USP13: variants seen among roughly 807,000 people sequenced by gnomAD.
The protein encoded by USP13 is ubiquitin specific peptidase 13, also known as ubiquitin carboxyl-terminal hydrolase 13.
In USP13, 68 loss-of-function variants were observed where a neutral mutation model predicts 107.8. The ratio of observed to expected loss-of-function variants is 0.63; its 90% CI spans 0.52 to 0.77. The LOEUF (loss-of-function observed/expected upper bound fraction) is 0.77. USP13 is among the 30% of genes least tolerant of loss of function. The pLI is 0.00. For synonymous variants in USP13, 377 were observed against 389.5 expected (o/e 0.97, Z 0.38); for missense variants, 945 against 1,093.3 (o/e 0.86, Z 1.91).
At chr3:179,748,260 C>G (rs1714479427) in intron 13 of USP13, among the ~76,000 whole-genome samples, 1 of 152,214 alleles carries the variant, frequency 6.6e-6, no homozygotes, top group Non-Finnish European at 1.5e-5. Flanking sequence ...TCAAGCACCC[C>G]CATATTCCTT....
At chr3:179,694,698 G>A (rs1712225883) in intron 3 of USP13, among the ~76,000 whole-genome samples, 1 of 151,484 alleles carries the variant, frequency 6.6e-6, no homozygotes, top group South Asian at 2.1e-4. Context: ...CTATTTGTGA[G>A]GCTGAGGCAG....
intron 3 of USP13, among the ~76,000 whole-genome samples, chr3:179,700,592 C>T (rs1712482082): frequency 1.3e-5 from 2 of 151,990 alleles, no homozygotes; most frequent in Non-Finnish European, 2.9e-5. Flanking sequence ...AAAAAAAACC[C>T]CAAGAAACCA....
At chr3:179,697,211 C>G (rs2108470729) in intron 3 of USP13, among the ~76,000 whole-genome samples, 1 of 152,280 alleles carries the variant, frequency 6.6e-6, no homozygotes, top group East Asian at 1.9e-4. Flanking sequence ...GCTAATGGGC[C>G]TGTTCAGAAA....
At chr3:179,687,605 G>GCC (rs1711916431) in intron 2 of USP13, among the ~76,000 whole-genome samples, 1 of 130,918 alleles carries the variant, frequency 7.6e-6, no homozygotes, top group Non-Finnish European at 1.6e-5. Flanking sequence ...GTTGCGGTAA[G>GCC]CCAAGATCAT....
At chr3:179,781,854 T>C (rs1348089246) in intron 20 of USP13, 31 bp downstream of exon 20, 1 of 1,575,380 alleles carries the variant, frequency 6.3e-7, no homozygotes, top group Non-Finnish European at 8.7e-7. Context: ...AAATGTTAGC[T>C]GTGATTTATT....
At chr3:179,658,235 G>C (rs749861675) in intron 1 of USP13, among the ~76,000 whole-genome samples, 1 of 152,102 alleles carries the variant, frequency 6.6e-6, no homozygotes, top group Non-Finnish European at 1.5e-5. Context: ...ATTACAGGCG[G>C]GAGCCACTGC....
intron 1 of USP13, among the ~76,000 whole-genome samples, chr3:179,655,548 G>GTTTTTTGT (rs1720224696): frequency 7.6e-6 from 1 of 131,394 alleles, no homozygotes; most frequent in African/African-American, 3.3e-5. Flanking sequence ...TAATGGGAAG[G>GTTTTTTGT]TTTTTTTTGT....
chr3:179,682,222 T>A (rs1463144251), intron 2 of USP13, among the ~76,000 whole-genome samples: 2 of 143,176 alleles, frequency 1.4e-5, no homozygotes, highest in African/African-American at 2.5e-5. Flanking sequence ...TTGGTGTTTT[T>A]AAGAATACAT....
intron 3 of USP13, among the ~76,000 whole-genome samples, chr3:179,693,387 A>C (rs994084406): frequency 1.3e-5 from 2 of 152,138 alleles, no homozygotes; most frequent in Non-Finnish European, 2.9e-5. Context: ...TTCTATGCTC[A>C]AGCAATCTTC....
chr3:179,773,895 T>C (rs2108547699), intron 19 of USP13, among the ~76,000 whole-genome samples: 1 of 152,344 alleles, frequency 6.6e-6, no homozygotes, highest in South Asian at 2.1e-4. Context: ...GATAAAAATC[T>C]ACAAGTTAGC....
intron 1 of USP13, among the ~76,000 whole-genome samples, chr3:179,666,490 C>T (rs1175412366): frequency 6.6e-6 from 1 of 152,172 alleles, no homozygotes; most frequent in Admixed American, 6.5e-5. Flanking sequence ...TCTTGCAGCT[C>T]CTTCACCAGT....
At chr3:179,655,567 G>T (rs6443663) in intron 1 of USP13, among the ~76,000 whole-genome samples, 116,184 of 139,142 alleles carry the variant, frequency 0.84, 48,399 homozygotes, top group East Asian at 0.92. Context: ...GTTTTGTTTT[G>T]TTTTTTTTTT....
intron 5 of USP13, among the ~76,000 whole-genome samples, chr3:179,707,306 A>G (rs1712758225): frequency 9.8e-6 from 1 of 102,320 alleles, no homozygotes; most frequent in Admixed American, 1.1e-4. Context: ...AGTTGCAAGC[A>G]CTTGCAACGC....
At chr3:179,676,106 C>A (rs1229549772) in intron 1 of USP13, among the ~76,000 whole-genome samples, 2 of 152,128 alleles carry the variant, frequency 1.3e-5, no homozygotes, top group African/African-American at 2.4e-5. Context: ...GCTTTTCCCC[C>A]TTTGCTCAGC....
intron 10 of USP13, among the ~76,000 whole-genome samples, chr3:179,737,073 G>T (rs1714018641): frequency 6.6e-6 from 1 of 152,192 alleles, no homozygotes; most frequent in Admixed American, 6.5e-5. Context: ...TGTGATGTTG[G>T]CCCTAGAGTT....
chr3:179,696,122 G>A (rs570837451), intron 3 of USP13, among the ~76,000 whole-genome samples: 3 of 152,266 alleles, frequency 2.0e-5, no homozygotes, highest in African/African-American at 4.8e-5. Flanking sequence ...TAGGAAATAA[G>A]GGTGGCAGTG....
Position 179,764,080 on chromosome 3 carries a change from T to A in USP13, c.2171T>A (p.Leu724Gln). ...AGASVFGASG[L>Q]DNQPPEEIVA... ...GCCTCTGTTTTTGGTGCTTCTGGAC[T>A]GGATAACCAACCTCCAGAGGAAATC... The change falls in exon 18 of 21, where the codon CTG becomes CAG. Residue 724 changes from leucine to glutamine, a missense_variant. Coordinates refer to ENST00000263966, the MANE Select transcript of USP13 (RefSeq NM_003940.3). The A allele has an allele frequency of 2.5e-6, 4 of 1,614,136 alleles. No homozygotes were observed. Among genetic ancestry groups the A allele is most frequent in the Non-Finnish European group, 3.4e-6 (4 of 1,180,030 alleles).
intron 3 of USP13, among the ~76,000 whole-genome samples, chr3:179,691,303 G>A (rs942672420): frequency 1.3e-5 from 2 of 151,956 alleles, no homozygotes; most frequent in African/African-American, 2.4e-5. Flanking sequence ...CCAGGGTTCC[G>A]CATTGTATTC....
At chr3:179,671,012 G>A (rs533815015) in intron 1 of USP13, among the ~76,000 whole-genome samples, 7 of 152,190 alleles carry the variant, frequency 4.6e-5, no homozygotes, top group East Asian at 3.9e-4. Flanking sequence ...CAGCACTTTC[G>A]GAGGCCAAGA....
Sources: gnomAD v4.1 joint callset for allele counts (sites outside exome capture counted in the v4.1 genomes callset) on GRCh38, gnomAD v4.1.1 for gene constraint, MANE v1.5 for transcripts, NCBI Gene and HGNC (gene_info 2026-07-23, HGNC 2026-07-21) for gene names.